Variants in MUSK observed in about 807,000 individuals in gnomAD.
MUSK encodes muscle, skeletal receptor tyrosine-protein kinase.
A neutral mutation model predicts 88.7 loss-of-function variants in MUSK; 55 were observed. The observed-to-expected ratio is 0.62, with a 90% CI of 0.50 to 0.78. MUSK has a LOEUF of 0.78. Ranked by LOEUF, MUSK falls within the 30% of genes least tolerant of loss-of-function variation. MUSK has a pLI of 0.00. For missense variants in MUSK, 1,015 were observed against 1,074.3 expected (o/e 0.94, Z 0.77); for synonymous variants, 387 against 391.9 (o/e 0.99, Z 0.15).
At chr9:110,674,079 G>GA (rs947947966) in intron 1 of MUSK, among the ~76,000 whole-genome samples, 15 of 150,524 alleles carry the variant, frequency 1.0e-4, no homozygotes, top group East Asian at 1.9e-4. Context: ...ACCTCACTGA[G>GA]AAAAAAAAAG....
rs1479320910 is a variant in MUSK, at chr9:110,755,953, C to CGTATAT, written c.914-6249_914-6248insGTATAT. Among the ~76,000 whole-genome samples the CGTATAT allele has an allele frequency of 3.2e-3, 227 of 70,670 alleles. 7 individuals carry two copies. The highest frequency in any genetic ancestry group is 8.1e-3 in the Admixed American group (53 of 6,518). The allele number at this position is 70,670 out of a possible 152,430, so 46.4% of individuals were successfully genotyped here. ...ATATACATATATATATATATATACA[C>CGTATAT]ATATATATATACATATATATATATA... On this transcript the variant is annotated intron_variant, in intron 7 of 14. Transcript: ENST00000374448.
At chr9:110,722,513 G>A (rs1437473688) in intron 5 of MUSK, among the ~76,000 whole-genome samples, 1 of 151,584 alleles carries the variant, frequency 6.6e-6, no homozygotes. Context: ...CTGGGCAACA[G>A]AGCGAGACAC....
At chr9:110,735,811 A>T (rs1156730538) in intron 6 of MUSK, among the ~76,000 whole-genome samples, 1 of 152,128 alleles carries the variant, frequency 6.6e-6, no homozygotes, top group Non-Finnish European at 1.5e-5. Flanking sequence ...TGGGAGCAAG[A>T]CATCTCACAT....
chr9:110,772,731 GT>G (rs945250304), intron 9 of MUSK, among the ~76,000 whole-genome samples: 64 of 152,084 alleles, frequency 4.2e-4, no homozygotes, highest in Middle Eastern at 3.4e-3. Context: ...TTCCAAGAAT[GT>G]TTTCTTGCAA....
At chr9:110,748,392 G>A (rs570631741) in intron 7 of MUSK, among the ~76,000 whole-genome samples, 1 of 152,180 alleles carries the variant, frequency 6.6e-6, no homozygotes, top group East Asian at 1.9e-4. Context: ...TGATCCCTGT[G>A]GTCTTTCCCT....
chr9:110,759,411 C>A (rs2077368810), intron 7 of MUSK, among the ~76,000 whole-genome samples: 1 of 152,148 alleles, frequency 6.6e-6, no homozygotes, highest in Non-Finnish European at 1.5e-5. Flanking sequence ...GCCATAGGAA[C>A]TGGCAAAAAT....
At chr9:110,744,541 C>T (rs1232420244) in intron 6 of MUSK, among the ~76,000 whole-genome samples, 1 of 152,098 alleles carries the variant, frequency 6.6e-6, no homozygotes, top group African/African-American at 2.4e-5. Flanking sequence ...ATTATTATGC[C>T]TATTTAATAG....
Position 110,676,341 on chromosome 9 carries a change from C to T in MUSK, c.80-6333C>T, listed in dbSNP as rs1214699417. Among the ~76,000 whole-genome samples, 7 of 50,808 alleles carry T rather than the reference C, an allele frequency of 1.4e-4. 1 individual carries two copies. Among genetic ancestry groups the T allele is most frequent in the African/African-American group, 7.6e-4 (7 of 9,236 alleles). The allele number at this position is 50,808 out of a possible 152,430, so 33.3% of individuals were successfully genotyped here. A position where few individuals can be genotyped will look rare whatever the true frequency, so the allele number is the denominator to read the frequency against. ...TATGTTGTATATATACACATACACA[C>T]ACATATATTATATATTATATATTAT... is the stretch of plus-strand genomic sequence containing the variant. On this transcript the variant is annotated intron_variant, in intron 1 of 14. Coordinates refer to ENST00000374448, the MANE Select transcript of MUSK (RefSeq NM_005592.4).
In MUSK at chr9:110,726,444, G is replaced by T. The variant is rs2076885052; in HGVS notation, c.629-7807G>T. ...AGCCTACGCTCAAAGTAGAGTTCAAGTATAGTCCTGTATAGATCATGGAGT... is the reference window on the plus strand; with the variant it reads ...AGCCTACGCTCAAAGTAGAGTTCAATTATAGTCCTGTATAGATCATGGAGT... On this transcript the variant is annotated intron_variant, in intron 5 of 14. Transcript: ENST00000374448. Among the ~76,000 whole-genome samples, 3 of 152,098 alleles carry T rather than the reference G, an allele frequency of 2.0e-5. No homozygotes were observed. The South Asian group carries it at 6.2e-4, about 32-fold the overall frequency.
In MUSK at chr9:110,690,251, T is replaced by C. The variant is rs1223684257; in HGVS notation, c.358+2983T>C. Among the ~76,000 whole-genome samples the C allele has an allele frequency of 2.8e-5, 3 of 106,146 alleles. No individual in the cohort carries two copies. The South Asian group carries it at 9.6e-4, about 34-fold the overall frequency. 69.6% of individuals were successfully genotyped at this position (106,146 alleles called of 152,430 possible). A position where few individuals can be genotyped will look rare whatever the true frequency, so the allele number is the denominator to read the frequency against. Reference sequence around the variant, plus strand: ...ATATATATTTAAGTATATATAAATATATATAAATATATATTTAAGTACAAA... The same window carrying C: ...ATATATATTTAAGTATATATAAATACATATAAATATATATTTAAGTACAAA... On this transcript the variant is annotated intron_variant, in intron 3 of 14. Transcript: ENST00000374448.
At chr9:110,689,142 T>C (rs1380622604) in intron 3 of MUSK, among the ~76,000 whole-genome samples, 1 of 129,518 alleles carries the variant, frequency 7.7e-6, no homozygotes, top group African/African-American at 3.0e-5. Context: ...ATAAATAAAC[T>C]ATATATTTAT....
chr9:110,787,968 C>A, intron 14 of MUSK, 130 bp downstream of exon 14: 1 of 1,035,514 alleles, frequency 9.7e-7, no homozygotes, highest in Non-Finnish European at 1.5e-6. Flanking sequence ...TCAAATTTAG[C>A]TTCTTCACCT....
At chr9:110,726,664 C>T (rs915134280) in intron 5 of MUSK, among the ~76,000 whole-genome samples, 5 of 152,012 alleles carry the variant, frequency 3.3e-5, no homozygotes, top group African/African-American at 1.2e-4. Flanking sequence ...CTTAATATCC[C>T]TATAAAAACA....
chr9:110,694,015 A>G (rs981304729), intron 3 of MUSK, among the ~76,000 whole-genome samples: 21 of 152,026 alleles, frequency 1.4e-4, no homozygotes, highest in African/African-American at 4.8e-4. Context: ...TTATTTTCCT[A>G]TATTTTAAAG....
chr9:110,689,534 A>AATCTATAGTT (rs2076260586), intron 3 of MUSK, among the ~76,000 whole-genome samples: 2 of 102,206 alleles, frequency 2.0e-5, no homozygotes, highest in African/African-American at 8.9e-5. Context: ...ACTATATATA[A>AATCTATAGTT]ATATATAGTT....
chr9:110,800,253 C>T, intron 14 of MUSK, 53 bp from the exon 15 acceptor site: 1 of 1,456,066 alleles, frequency 6.9e-7, no homozygotes, highest in Non-Finnish European at 9.3e-7. Flanking sequence ...AGTGCTCTTT[C>T]CATTGTTTCA....
In MUSK at chr9:110,691,019, C is replaced by T. The variant is rs949853922; in HGVS notation, c.358+3751C>T. Among the ~76,000 whole-genome samples the T allele has an allele frequency of 2.6e-5, 4 of 151,290 alleles. No homozygotes were observed. In the South Asian group the frequency reaches 6.3e-4, roughly 24 times the overall value. On this transcript the variant is annotated intron_variant, in intron 3 of 14. Transcript: ENST00000374448. The stretch of plus-strand genomic sequence containing the variant: ...AGCTGAGATTACAGGCATGTGCCAC[C>T]GGACCCTGCTAATTTTTGTATTTTT...
intron 1 of MUSK, among the ~76,000 whole-genome samples, chr9:110,672,924 C>A (rs2075978824): frequency 6.6e-6 from 1 of 152,130 alleles, no homozygotes; most frequent in South Asian, 2.1e-4. Flanking sequence ...TCTTCGGGTC[C>A]AGAAAAGGAT....
intron 9 of MUSK, 148 bp from the exon 10 acceptor site, chr9:110,775,640 T>C: frequency 1.4e-6 from 1 of 696,416 alleles, no homozygotes; most frequent in East Asian, 2.7e-5. Flanking sequence ...TCATATTATT[T>C]ACAGTAAAAA....
Sources: allele counts gnomAD v4.1 joint callset (sites outside exome capture counted in the v4.1 genomes callset), GRCh38; gene constraint gnomAD v4.1.1; transcripts MANE v1.5; gene names NCBI Gene and HGNC (gene_info 2026-07-23, HGNC 2026-07-21).